The following KIF13A variants were observed in gnomAD, a reference collection of about 807,000 sequenced individuals.
The protein encoded by KIF13A is kinesin-like protein KIF13A.
KIF13A carries 79 observed loss-of-function variants against 212.2 expected under a neutral mutation model. That is an observed-to-expected ratio of 0.37 (90% CI 0.31 to 0.45). The LOEUF (loss-of-function observed/expected upper bound fraction) is 0.45. Ranked by LOEUF, KIF13A falls within the 20% of genes least tolerant of loss-of-function variation. KIF13A has a pLI of 1.00. For missense variants in KIF13A, 1,901 were observed against 2,209.0 expected (o/e 0.86, Z 2.79); for synonymous variants, 789 against 808.6 (o/e 0.98, Z 0.41).
intron 2 of KIF13A, among the ~76,000 whole-genome samples, chr6:17,942,447 T>C (rs1777034879): frequency 6.6e-6 from 1 of 152,062 alleles, no homozygotes; most frequent in Non-Finnish European, 1.5e-5. Context: ...TTGAATTAGC[T>C]GTATAATTTC....
Position 17,785,516 on chromosome 6 carries a change from A to G in KIF13A, c.3487T>C (p.Trp1163Arg). ...GSGIPGAPAD[W>R]IPPPGMETHI... Reference sequence around the variant, plus strand: ...GCACAGAAGGGAGGGCAGCCTTACCAGTCGGCAGGTGCCCCAGGAATCCCA... The same window carrying G: ...GCACAGAAGGGAGGGCAGCCTTACCGGTCGGCAGGTGCCCCAGGAATCCCA... The change falls in exon 28 of 39, where the codon TGG becomes CGG. Residue 1163 changes from tryptophan to arginine, a missense_variant and splice_region_variant. Coordinates refer to ENST00000259711, the MANE Select transcript of KIF13A (RefSeq NM_022113.6). The surrounding 1 kb of genome is among the most constrained non-coding windows in gnomAD (Gnocchi z 5.8). 1 of 1,569,046 alleles carries G rather than the reference A, an allele frequency of 6.4e-7. No individual in the cohort carries two copies. Among genetic ancestry groups the G allele is most frequent in the Non-Finnish European group, 8.6e-7 (1 of 1,159,874 alleles).
intron 3 of KIF13A, among the ~76,000 whole-genome samples, chr6:17,874,208 T>A (rs1338029888): frequency 1.3e-5 from 2 of 152,048 alleles, no homozygotes; most frequent in African/African-American, 2.4e-5. Context: ...ACTCTCCATA[T>A]TCCCATCCTG....
chr6:17,760,079 G>A (rs903254204), downstream of KIF13A: 1 of 152,214 alleles, frequency 6.6e-6, no homozygotes, highest in African/African-American at 2.4e-5. Flanking sequence ...ATTTCTCAGT[G>A]TGCTTATGAA....
rs1325657927 is a variant in KIF13A, at chr6:17,912,535, A to G, written c.147-14355T>C. On this transcript the variant is annotated intron_variant, in intron 2 of 38. Coordinates refer to ENST00000259711, the MANE Select transcript of KIF13A (RefSeq NM_022113.6). The surrounding 1 kb of genome is among the most constrained non-coding windows in gnomAD (Gnocchi z 4.2). ...TCACCCTAAGCACTTATTAGCATATAGACAATGCTTATTAAATTCTACTGA... is the reference window on the plus strand; with the variant it reads ...TCACCCTAAGCACTTATTAGCATATGGACAATGCTTATTAAATTCTACTGA... Among the ~76,000 whole-genome samples, 1 of 152,238 alleles carries G rather than the reference A, an allele frequency of 6.6e-6. No homozygotes were observed. Among genetic ancestry groups the G allele is most frequent in the Non-Finnish European group, 1.5e-5 (1 of 68,044 alleles).
At chr6:17,977,083 CAG>C (rs1339325340) in intron 2 of KIF13A, among the ~76,000 whole-genome samples, 4 of 132,410 alleles carry the variant, frequency 3.0e-5, no homozygotes, top group Non-Finnish European at 4.6e-5. Flanking sequence ...GCCTGGGAAA[CAG>C]AGCGAGACTC....
chr6:17,852,694 A>G (rs762887669), intron 6 of KIF13A, among the ~76,000 whole-genome samples: 5 of 152,220 alleles, frequency 3.3e-5, no homozygotes, highest in Non-Finnish European at 5.9e-5. Context: ...CTGGGATTGC[A>G]GATGTGAGCC....
rs772934336 is a variant in KIF13A at position 17,911,546 on chromosome 6, G to A, written c.147-13366C>T. Among the ~76,000 whole-genome samples, 81 of 152,054 alleles carry A rather than the reference G, an allele frequency of 5.3e-4. No individual in the cohort carries two copies. The Middle Eastern group carries it at 0.01, about 19-fold the overall frequency. On this transcript the variant is annotated intron_variant, in intron 2 of 38. Transcript: ENST00000259711. Reference sequence around the variant, plus strand: ...GTTGAGTTTAAAATCTAAAATACAAGCTTTCTTTACAAACATCACATGTTC... The same window carrying A: ...GTTGAGTTTAAAATCTAAAATACAAACTTTCTTTACAAACATCACATGTTC...
chr6:17,810,163 T>TAA lies in KIF13A; in HGVS notation c.2001-1235_2001-1234dup, dbSNP rs1328355785. Among the ~76,000 whole-genome samples, 3 of 152,220 alleles carry TAA rather than the reference T, an allele frequency of 2.0e-5. No homozygotes were observed. In the East Asian group the frequency reaches 5.8e-4, roughly 29 times the overall value. On this transcript the variant is annotated intron_variant, in intron 17 of 38. Coordinates refer to ENST00000259711, the MANE Select transcript of KIF13A (RefSeq NM_022113.6). ...TCTCTTTTCTACAATGTCCAAAAAA[T>TAA]AAGCCTATTGATTCTTCCTTTGAAG...
rs193153728 is a variant in KIF13A, at chr6:17,821,804, G to A, written c.1786+3964C>T. 4.6e-6 allele frequency: 7 copies of A among 1,535,334 alleles called. No homozygotes were observed. The East Asian group carries it at 1.5e-4, about 32-fold the overall frequency. ...TAAAAACCTTTATCCCAGTGTTTGTGGAGGAGCTTCGTCTGAAACCACATG... is the reference window on the plus strand; with the variant it reads ...TAAAAACCTTTATCCCAGTGTTTGTAGAGGAGCTTCGTCTGAAACCACATG... On this transcript the variant is annotated intron_variant, in intron 16 of 38. Coordinates refer to ENST00000259711, the MANE Select transcript of KIF13A (RefSeq NM_022113.6).
Position 17,987,579 on chromosome 6 carries a change from G to T in KIF13A, c.-116C>A, listed in dbSNP as rs1781689593. The T allele has an allele frequency of 4.4e-6, 2 of 450,784 alleles. No individual in the cohort carries two copies. Among genetic ancestry groups the T allele is most frequent in the African/African-American group, 2.2e-5 (1 of 46,082 alleles). 27.9% of individuals were successfully genotyped at this position (450,784 alleles called of 1,614,324 possible). ...CCTCGAGCGCGGCCGCCGCCGCTCC[G>T]CCGTGAGCTCCGAGAGGCAGCGCCG... On this transcript the variant is annotated 5_prime_UTR_variant, in exon 1 of 39. Coordinates refer to ENST00000259711, the MANE Select transcript of KIF13A (RefSeq NM_022113.6). This position sits in a 1 kb window ranked among gnomAD's most constrained non-coding sequence, Gnocchi z 7.7.
intron 2 of KIF13A, among the ~76,000 whole-genome samples, chr6:17,916,740 A>G (rs1774547119): frequency 6.6e-6 from 1 of 152,202 alleles, no homozygotes. Flanking sequence ...ACAGGAAAAT[A>G]CAAATGAATG....
At chr6:17,836,829 C>T (rs754956289) in intron 11 of KIF13A, 49 bp downstream of exon 11, 1 of 1,557,050 alleles carries the variant, frequency 6.4e-7, no homozygotes, top group Non-Finnish European at 8.8e-7. Context: ...CCAGTCAAAT[C>T]CCGCAAGCCA....
rs202048940 is a variant in KIF13A at position 17,876,607 on chromosome 6, C to G, written c.160-3170G>C. 6.3e-5 allele frequency among the ~76,000 whole-genome samples: 9 copies of G among 143,892 alleles called. No homozygotes were observed. The East Asian group carries it at 1.2e-3, about 20-fold the overall frequency. 94.4% of individuals were successfully genotyped at this position (143,892 alleles called of 152,430 possible). ...ATTTTTCATTTATCATGTATATGAT[C>G]TGTGTGTGTGAGACAGCATTCATTC... On this transcript the variant is annotated intron_variant, in intron 3 of 38. Coordinates refer to ENST00000259711, the MANE Select transcript of KIF13A (RefSeq NM_022113.6).
At chr6:17,979,847 G>A (rs1780901570) in intron 2 of KIF13A, among the ~76,000 whole-genome samples, 1 of 151,530 alleles carries the variant, frequency 6.6e-6, no homozygotes, top group South Asian at 2.1e-4. Context: ...TAAACATAAG[G>A]ATTAAACATA....
intron 4 of KIF13A, among the ~76,000 whole-genome samples, chr6:17,863,972 C>T (rs1055044564): frequency 6.6e-6 from 1 of 152,044 alleles, no homozygotes; most frequent in Non-Finnish European, 1.5e-5. Context: ...ATGGGTGGAT[C>T]CCATAAAAGA....
At chr6:17,976,340 G>A (rs1377310200) in intron 2 of KIF13A, among the ~76,000 whole-genome samples, 1 of 152,252 alleles carries the variant, frequency 6.6e-6, no homozygotes, top group Non-Finnish European at 1.5e-5. Context: ...CCGCTGTAAG[G>A]CAGCTAAGGC....
chr6:17,844,068 GAAAGA>G (rs1462323699), intron 9 of KIF13A, among the ~76,000 whole-genome samples: 16 of 150,690 alleles, frequency 1.1e-4, no homozygotes, highest in Non-Finnish European at 2.2e-4. Context: ...AAGAAAGAAA[GAAAGA>G]AAAGAAATAA....
chr6:17,869,579 T>A (rs1769808203), intron 4 of KIF13A, among the ~76,000 whole-genome samples: 1 of 152,154 alleles, frequency 6.6e-6, no homozygotes, highest in African/African-American at 2.4e-5. Context: ...TTGAACCAAG[T>A]CTGACTTAAG....
intron 2 of KIF13A, among the ~76,000 whole-genome samples, chr6:17,985,951 C>A (rs1226554172): frequency 6.6e-6 from 1 of 152,156 alleles, no homozygotes; most frequent in Non-Finnish European, 1.5e-5. Context: ...AGCAAAGAAT[C>A]CCCAATCTTA....
Sources: gnomAD v4.1 joint callset for allele counts (sites outside exome capture counted in the v4.1 genomes callset) on GRCh38, gnomAD v4.1.1 for gene constraint, Gnocchi (gnomAD v3.1) non-coding constraint, MANE v1.5 for transcripts, NCBI Gene and HGNC (gene_info 2026-07-23, HGNC 2026-07-21) for gene names.